The following ITGA8 variants were observed in gnomAD, a reference collection of about 807,000 sequenced individuals.
The protein encoded by ITGA8 is integrin subunit alpha 8, also known as integrin alpha-8.
Under a neutral mutation model 142.3 loss-of-function variants are expected in ITGA8, and 91 were observed. That is an observed-to-expected ratio of 0.64 (90% CI 0.54 to 0.76). The LOEUF (loss-of-function observed/expected upper bound fraction) is 0.76, where lower values mean the gene tolerates loss of function less well. ITGA8 is among the 30% of genes least tolerant of loss of function. The pLI is 0.00. For synonymous variants in ITGA8, 505 were observed against 485.2 expected, an observed-to-expected ratio of 1.04 and a Z score of -0.54; for missense variants, 1,406 against 1,327.7, an observed-to-expected ratio of 1.06 and a Z score of -0.92.
At chr10:15,624,898 T>C (rs1455368455) in intron 13 of ITGA8, among the ~76,000 whole-genome samples, 1 of 152,164 alleles carries the variant, frequency 6.6e-6, no homozygotes, top group Admixed American at 6.5e-5. Context: ...GGCTATGAAA[T>C]TGGCTTAAGT....
At chr10:15,697,742 A>T (rs565910814) in intron 2 of ITGA8, among the ~76,000 whole-genome samples, 4 of 152,310 alleles carry the variant, frequency 2.6e-5, no homozygotes, top group African/African-American at 9.6e-5. Context: ...TTATTCTTTA[A>T]AAACATATAT....
chr10:15,549,561 C>T (rs1173854424), intron 26 of ITGA8, among the ~76,000 whole-genome samples: 1 of 152,136 alleles, frequency 6.6e-6, no homozygotes, highest in Non-Finnish European at 1.5e-5. Flanking sequence ...ATGAACACAT[C>T]ATAATCCATT....
chr10:15,565,118 T>C (rs565026047), intron 25 of ITGA8, among the ~76,000 whole-genome samples: 2 of 152,334 alleles, frequency 1.3e-5, no homozygotes, highest in African/African-American at 4.8e-5. Context: ...AATCTCAGAC[T>C]GTGTAATTCT....
chr10:15,603,950 G>T (rs999856872), intron 20 of ITGA8, among the ~76,000 whole-genome samples: 1 of 152,150 alleles, frequency 6.6e-6, no homozygotes, highest in Non-Finnish European at 1.5e-5. Context: ...TCTTCTTTCA[G>T]CCAGTCTTGT....
intron 29 of ITGA8, among the ~76,000 whole-genome samples, chr10:15,519,067 T>C (rs551315063): frequency 1.3e-5 from 2 of 152,312 alleles, no homozygotes; most frequent in East Asian, 3.9e-4. Flanking sequence ...AATCTCAAGA[T>C]GAAAGCAACA....
intron 4 of ITGA8, among the ~76,000 whole-genome samples, chr10:15,683,585 T>C (rs1344668819): frequency 6.6e-6 from 1 of 152,190 alleles, no homozygotes; most frequent in African/African-American, 2.4e-5. Flanking sequence ...GAAACAGCCA[T>C]TGAGAACACA....
intron 20 of ITGA8, among the ~76,000 whole-genome samples, chr10:15,603,920 T>C (rs1183677824): frequency 6.6e-6 from 1 of 152,182 alleles, no homozygotes; most frequent in Non-Finnish European, 1.5e-5. Flanking sequence ...AGTTTAGCTT[T>C]TTGATCGCAT....
chr10:15,584,266 C>T (rs1005649555), intron 23 of ITGA8, among the ~76,000 whole-genome samples: 1 of 151,840 alleles, frequency 6.6e-6, no homozygotes, highest in Non-Finnish European at 1.5e-5. Flanking sequence ...CACTGCACTC[C>T]AGCCTGGGTG....
chr10:15,683,304 C>CCCATCCAT (rs1376464136), intron 4 of ITGA8, among the ~76,000 whole-genome samples: 1 of 10,402 alleles, frequency 9.6e-5, no homozygotes, highest in African/African-American at 2.1e-4. Flanking sequence ...CACCCATCCA[C>CCCATCCAT]CCACCCACCC....
chr10:15,638,598 T>C (rs1833813844), intron 13 of ITGA8, among the ~76,000 whole-genome samples: 1 of 152,154 alleles, frequency 6.6e-6, no homozygotes, highest in Non-Finnish European at 1.5e-5. Context: ...CATAACCCCA[T>C]CAGAAAGCAT....
chr10:15,599,374 C>T (rs1055256820), intron 20 of ITGA8, among the ~76,000 whole-genome samples: 1 of 152,058 alleles, frequency 6.6e-6, no homozygotes, highest in African/African-American at 2.4e-5. Flanking sequence ...ACTGTGTACC[C>T]ACTATTTACC....
intron 23 of ITGA8, among the ~76,000 whole-genome samples, chr10:15,578,403 A>T (rs1171290178): frequency 1.3e-5 from 2 of 152,158 alleles, no homozygotes; most frequent in Non-Finnish European, 2.9e-5. Flanking sequence ...TTGTTTAACT[A>T]TCAACCCATC....
At chr10:15,552,377 A>T (rs1833806317) in intron 26 of ITGA8, among the ~76,000 whole-genome samples, 1 of 152,098 alleles carries the variant, frequency 6.6e-6, no homozygotes, top group Admixed American at 6.6e-5. Flanking sequence ...TGACCTCGTG[A>T]TCCACCCGCC....
chr10:15,658,754 G>T (rs1384501313), intron 10 of ITGA8, among the ~76,000 whole-genome samples: 2 of 152,028 alleles, frequency 1.3e-5, no homozygotes, highest in African/African-American at 2.4e-5. Flanking sequence ...AATTATCATG[G>T]ACATTTATTT....
intron 27 of ITGA8, among the ~76,000 whole-genome samples, chr10:15,542,545 C>G (rs143407965): frequency 3.2e-4 from 48 of 152,154 alleles, no homozygotes; most frequent in Middle Eastern, 3.4e-3. Context: ...TATTTAAAAC[C>G]TTTATATAGT....
At chr10:15,597,563 T>C (rs1482884026) in intron 20 of ITGA8, among the ~76,000 whole-genome samples, 1 of 152,198 alleles carries the variant, frequency 6.6e-6, no homozygotes, top group Non-Finnish European at 1.5e-5. Context: ...AGTATTTATA[T>C]AAATAGCTTA....
In ITGA8 at chr10:15,515,908, T is replaced by A. The variant is rs1832955315; in HGVS notation, c.*1250A>T. 1 of 152,166 alleles carries A rather than the reference T, an allele frequency of 6.6e-6. No homozygotes were observed. The highest frequency in any genetic ancestry group is 2.4e-5 in the African/African-American group (1 of 41,442). 9.4% of individuals were successfully genotyped at this position (152,166 alleles called of 1,614,324 possible). A position where few individuals can be genotyped will look rare whatever the true frequency, so the allele number is the denominator to read the frequency against. The stretch of plus-strand genomic sequence containing the variant: ...CTCCAAAGTTACATATTATAAAGAT[T>A]AGCAGTAAAAATAAGTAATAAAGTT... On this transcript the variant is annotated 3_prime_UTR_variant, in exon 30 of 30. Transcript: ENST00000378076.
chr10:15,702,819 T>C (rs1835190129), intron 2 of ITGA8, among the ~76,000 whole-genome samples: 1 of 152,354 alleles, frequency 6.6e-6, no homozygotes, highest in African/African-American at 2.4e-5. Context: ...ATTGAAATTC[T>C]TTGAGATTAT....
At chr10:15,663,873 A>G (rs1439303474) in intron 8 of ITGA8, among the ~76,000 whole-genome samples, 1 of 152,184 alleles carries the variant, frequency 6.6e-6, no homozygotes, top group African/African-American at 2.4e-5. Context: ...CACCCAGTCC[A>G]ACAATACTCC....
Sources: gnomAD v4.1 joint callset for allele counts (sites outside exome capture counted in the v4.1 genomes callset) on GRCh38, gnomAD v4.1.1 for gene constraint, MANE v1.5 for transcripts, NCBI Gene and HGNC (gene_info 2026-07-23, HGNC 2026-07-21) for gene names.